The following SCD5 variants were observed in gnomAD, a reference collection of about 807,000 sequenced individuals.
SCD5 encodes acyl-CoA-desaturase 4.
SCD5 carries 20 observed loss-of-function variants against 30.4 expected under a neutral mutation model. The ratio of observed to expected loss-of-function variants is 0.66; its 90% CI spans 0.46 to 0.96. The LOEUF is 0.96. SCD5 is among the 40% of genes least tolerant of loss of function. The pLI, the probability that SCD5 is intolerant of heterozygous loss-of-function variation, is 0.00. For missense variants in SCD5, 381 were observed against 443.3 expected (o/e 0.86, Z 1.26); for synonymous variants, 173 against 176.4 (o/e 0.98, Z 0.16).
intron 1 of SCD5, among the ~76,000 whole-genome samples, chr4:82,708,404 C>A (rs1247190976): frequency 1.3e-5 from 2 of 152,174 alleles, no homozygotes; most frequent in Non-Finnish European, 2.9e-5. Flanking sequence ...GGCATCACCA[C>A]CCCTAGATAC....
intron 1 of SCD5, among the ~76,000 whole-genome samples, chr4:82,741,853 C>CGGGGGGGGGGG (rs34875819): frequency 6.6e-5 from 3 of 45,402 alleles, no homozygotes; most frequent in Non-Finnish European, 1.4e-4. Flanking sequence ...TCAGAGTGGG[C>CGGGGGGGGGGG]GGGGGGGGGG....
chr4:82,753,986 C>T (rs1415168438), intron 1 of SCD5, among the ~76,000 whole-genome samples: 1 of 152,112 alleles, frequency 6.6e-6, no homozygotes, highest in Non-Finnish European at 1.5e-5. Flanking sequence ...CTTTAAATGT[C>T]AAGTACCCTG....
chr4:82,754,254 T>C (rs1721177750), intron 1 of SCD5, among the ~76,000 whole-genome samples: 2 of 152,088 alleles, frequency 1.3e-5, no homozygotes, highest in South Asian at 2.1e-4. Context: ...AGTGAGAGAA[T>C]GCAGGAAGAG....
chr4:82,758,189 G>A (rs1482933733), intron 1 of SCD5, among the ~76,000 whole-genome samples: 1 of 152,198 alleles, frequency 6.6e-6, no homozygotes, highest in Non-Finnish European at 1.5e-5. Context: ...CCAGTGGGGT[G>A]CAGTGTCTCA....
At chr4:82,716,203 C>A (rs1000051218) in intron 1 of SCD5, among the ~76,000 whole-genome samples, 2 of 151,698 alleles carry the variant, frequency 1.3e-5, no homozygotes, top group Admixed American at 1.3e-4. Context: ...TCGGGGAGAT[C>A]ATTTACTAGG....
At chr4:82,700,472 T>C (rs1404468657) in intron 2 of SCD5, among the ~76,000 whole-genome samples, 2 of 151,724 alleles carry the variant, frequency 1.3e-5, no homozygotes, top group Non-Finnish European at 2.9e-5. Flanking sequence ...TCCTTACCTA[T>C]AAAGGAGTGA....
intron 3 of SCD5, among the ~76,000 whole-genome samples, chr4:82,648,955 C>A (rs922830940): frequency 1.3e-5 from 2 of 152,088 alleles, no homozygotes; most frequent in Middle Eastern, 3.2e-3. Context: ...TTCGAGGATT[C>A]CATGCAAAAA....
At chr4:82,644,669 G>A (rs1008793124) in intron 3 of SCD5, among the ~76,000 whole-genome samples, 2 of 152,226 alleles carry the variant, frequency 1.3e-5, no homozygotes, top group Non-Finnish European at 2.9e-5. Flanking sequence ...TGTGCAGACT[G>A]CTTTTGGGTT....
chr4:82,642,647 T>TC (rs1196815343), intron 3 of SCD5, among the ~76,000 whole-genome samples: 1 of 152,330 alleles, frequency 6.6e-6, no homozygotes, highest in East Asian at 1.9e-4. Flanking sequence ...GTCCTTCTCA[T>TC]CTCTCAGTAT....
chr4:82,770,177 T>C (rs1222512533), intron 1 of SCD5, among the ~76,000 whole-genome samples: 14 of 146,140 alleles, frequency 9.6e-5, no homozygotes, highest in African/African-American at 2.9e-4. Context: ...AATGCTATCC[T>C]GCCCCCCTCC....
intron 1 of SCD5, among the ~76,000 whole-genome samples, chr4:82,732,066 C>T (rs984587235): frequency 6.6e-5 from 10 of 152,050 alleles, no homozygotes; most frequent in African/African-American, 2.2e-4. Flanking sequence ...CATTATCTTT[C>T]AGGGAGGAAG....
intron 1 of SCD5, among the ~76,000 whole-genome samples, chr4:82,730,490 G>GT (rs1163182748): frequency 1.3e-5 from 2 of 150,144 alleles, no homozygotes; most frequent in Non-Finnish European, 3.0e-5. Context: ...TAGAAACGGG[G>GT]TTTCACCGTG....
chr4:82,662,212 G>A (rs1028730482), intron 3 of SCD5, among the ~76,000 whole-genome samples: 4 of 151,944 alleles, frequency 2.6e-5, no homozygotes, highest in Admixed American at 2.0e-4. Flanking sequence ...ACATGCCATC[G>A]TGCTCAGCTA....
At chr4:82,789,853 C>T (rs1722063968) in intron 1 of SCD5, among the ~76,000 whole-genome samples, 1 of 152,150 alleles carries the variant, frequency 6.6e-6, no homozygotes, top group Non-Finnish European at 1.5e-5. Flanking sequence ...CTTTTAGAAG[C>T]AGTGGAAAGA....
chr4:82,798,538 G>A lies in SCD5; in HGVS notation c.-1C>T. On this transcript the variant is annotated 5_prime_UTR_variant, in exon 1 of 5. Transcript: ENST00000319540. ...CCGCGTCGGTGGCCGGGCCTGGCAT[G>A]GCTGGGCGAGGTGGGCGCCCGCAGC... 4 of 1,580,744 alleles carry A rather than the reference G, an allele frequency of 2.5e-6. No individual in the cohort carries two copies. The highest frequency in any genetic ancestry group is 3.4e-6 in the Non-Finnish European group (4 of 1,164,000).
intron 1 of SCD5, among the ~76,000 whole-genome samples, chr4:82,791,530 G>A (rs1299229527): frequency 6.6e-6 from 1 of 152,166 alleles, no homozygotes; most frequent in Non-Finnish European, 1.5e-5. Context: ...GCTGAACAGA[G>A]GGAATGAGCG....
intron 3 of SCD5, among the ~76,000 whole-genome samples, chr4:82,669,707 A>G (rs72661236): frequency 0.024 from 3,693 of 152,306 alleles, 72 homozygotes; most frequent in South Asian, 0.098. Flanking sequence ...TCAGAAAAAA[A>G]AAATAAATTC....
chr4:82,641,517 T>C lies in SCD5; in HGVS notation c.570-4694A>G, dbSNP rs72911259. On this transcript the variant is annotated intron_variant, in intron 3 of 4. Transcript: ENST00000319540. ...TCTATGGGAGGGCTTGCTGACACTA[T>C]GGTTTTTGACTAAAGACTTGGGGAA... Among the ~76,000 whole-genome samples, 754 of 152,224 alleles carry C rather than the reference T, an allele frequency of 5.0e-3. 10 individuals carry two copies. The highest frequency in any genetic ancestry group is 0.017 in the African/African-American group (707 of 41,540).
chr4:82,761,975 C>T (rs1389192410), intron 1 of SCD5, among the ~76,000 whole-genome samples: 1 of 151,898 alleles, frequency 6.6e-6, no homozygotes, highest in Non-Finnish European at 1.5e-5. Context: ...GAGTTTGAGA[C>T]TAGCCTGGGC....
Sources: allele counts gnomAD v4.1 joint callset (sites outside exome capture counted in the v4.1 genomes callset), GRCh38; gene constraint gnomAD v4.1.1; transcripts MANE v1.5; gene names NCBI Gene and HGNC (gene_info 2026-07-23, HGNC 2026-07-21).